Variants in DTNB observed in about 807,000 individuals in gnomAD.
DTNB encodes dystrobrevin beta.
A neutral mutation model predicts 90.7 loss-of-function variants in DTNB; 63 were observed. The observed-to-expected ratio is 0.69, with a 90% confidence interval of 0.57 to 0.86. The LOEUF is 0.86. DTNB is among the 40% of genes least tolerant of loss of function. The pLI, the probability that DTNB is intolerant of heterozygous loss-of-function variation, is 0.00. For synonymous variants in DTNB, 277 were observed against 286.7 expected, an observed-to-expected ratio of 0.97 and a Z score of 0.34; for missense variants, 744 against 807.1, an observed-to-expected ratio of 0.92 and a Z score of 0.95.
chr2:25,669,777 G>A (rs1298302949), intron 1 of DTNB, among the ~76,000 whole-genome samples: 1 of 152,060 alleles, frequency 6.6e-6, no homozygotes, highest in Non-Finnish European at 1.5e-5. Context: ...GCAACATGGC[G>A]AGACTGCATC....
chr2:25,500,457 T>C (rs893883883), intron 9 of DTNB, among the ~76,000 whole-genome samples: 1 of 152,162 alleles, frequency 6.6e-6, no homozygotes, highest in East Asian at 1.9e-4. Context: ...CCAACTACGC[T>C]GTTCAATCAT....
intron 8 of DTNB, among the ~76,000 whole-genome samples, chr2:25,574,278 G>A (rs938733559): frequency 6.6e-6 from 1 of 152,192 alleles, no homozygotes; most frequent in Admixed American, 6.5e-5. Flanking sequence ...ACCTCTTACA[G>A]GACCTGGCAC....
intron 8 of DTNB, among the ~76,000 whole-genome samples, chr2:25,569,111 G>A (rs1263257453): frequency 1.3e-5 from 2 of 152,190 alleles, no homozygotes; most frequent in Admixed American, 6.5e-5. Context: ...TCAGACACAG[G>A]AGGGAAGAAC....
chr2:25,436,230 G>A (rs1237311807), intron 12 of DTNB, among the ~76,000 whole-genome samples: 1 of 152,146 alleles, frequency 6.6e-6, no homozygotes, highest in Non-Finnish European at 1.5e-5. Context: ...AGCTACTTGG[G>A]AGGCTGAGGC....
chr2:25,496,164 A>G (rs1199055774), intron 9 of DTNB, among the ~76,000 whole-genome samples: 1 of 152,250 alleles, frequency 6.6e-6, no homozygotes. Context: ...ATTTAACAGT[A>G]TTGCTCAATT....
At chr2:25,379,555 G>A in intron 19 of DTNB, 1 of 422,064 alleles carries the variant, frequency 2.4e-6, no homozygotes, top group Non-Finnish European at 4.1e-6. Flanking sequence ...TCAGGAGAAG[G>A]AAAGTCATTA....
chr2:25,584,552 C>A (rs2062052900), intron 6 of DTNB, among the ~76,000 whole-genome samples: 1 of 150,980 alleles, frequency 6.6e-6, no homozygotes, highest in Non-Finnish European at 1.5e-5. Context: ...TCTTTTATTT[C>A]TCAATTTTAC....
rs60343159 is a variant in DTNB, at chr2:25,462,317, G to A, written c.1080-6823C>T. ...GGGACGGGACTGAAATGGGGGAAGT[G>A]GGGATGAAGAGTGAGCAATAGCGGG... On this transcript the variant is annotated intron_variant, in intron 10 of 20. Transcript: ENST00000406818. Among the ~76,000 whole-genome samples, 1,017 of 152,170 alleles carry A rather than the reference G, an allele frequency of 6.7e-3. 11 individuals are homozygous for A. The highest frequency in any genetic ancestry group is 0.023 in the African/African-American group (957 of 41,514).
rs2048840121 is a variant in DTNB at position 25,419,544 on chromosome 2, T to C, written c.1555-9A>G. The C allele has an allele frequency of 9.7e-6, 15 of 1,554,224 alleles. No homozygotes were observed. Among genetic ancestry groups the C allele is most frequent in the Non-Finnish European group, 1.2e-5 (14 of 1,148,740 alleles). ...TGCTTTTGCTCTTCCTCCTGGAGTG[T>C]TGAAGATGAAAAAAAAAGGCAGAGG... On this transcript the variant is annotated splice_polypyrimidine_tract_variant and intron_variant, in intron 15 of 20. Coordinates refer to ENST00000406818, the MANE Select transcript of DTNB (RefSeq NM_021907.5).
chr2:25,612,723 A>G (rs2068967524), intron 4 of DTNB, among the ~76,000 whole-genome samples: 1 of 152,142 alleles, frequency 6.6e-6, no homozygotes. Context: ...TACCAATATT[A>G]AGAGGGGATA....
intron 16 of DTNB, among the ~76,000 whole-genome samples, chr2:25,411,020 G>A (rs2046460192): frequency 6.6e-6 from 1 of 151,226 alleles, no homozygotes; most frequent in Admixed American, 6.6e-5. Flanking sequence ...CTCCTGGGGG[G>A]CCATCCTCAA....
chr2:25,599,249 G>C (rs2065294074), intron 5 of DTNB, among the ~76,000 whole-genome samples: 1 of 151,486 alleles, frequency 6.6e-6, no homozygotes. Context: ...TAAGTTTCTA[G>C]TTTGGGGAAA....
intron 16 of DTNB, among the ~76,000 whole-genome samples, chr2:25,411,861 G>A (rs1445587750): frequency 6.6e-6 from 1 of 152,132 alleles, no homozygotes; most frequent in African/African-American, 2.4e-5. Context: ...TAAATGAATG[G>A]CAATCCTTTG....
At chr2:25,380,359 T>TA (rs1276314420) in intron 19 of DTNB, among the ~76,000 whole-genome samples, 3 of 152,168 alleles carry the variant, frequency 2.0e-5, no homozygotes, top group Non-Finnish European at 4.4e-5. Context: ...GGTCCACCCA[T>TA]AAAAACACTT....
At chr2:25,396,285 C>T (rs530507318) in intron 16 of DTNB, among the ~76,000 whole-genome samples, 24 of 152,152 alleles carry the variant, frequency 1.6e-4, no homozygotes, top group African/African-American at 4.1e-4. Context: ...CCAAGATGGG[C>T]GGATCACTTG....
At chr2:25,624,060 A>G (rs1307133169) in intron 4 of DTNB, among the ~76,000 whole-genome samples, 1 of 152,144 alleles carries the variant, frequency 6.6e-6, no homozygotes, top group Non-Finnish European at 1.5e-5. Context: ...TTCTCTCTAG[A>G]GCCTACTATT....
chr2:25,547,525 G>A (rs931012489), intron 8 of DTNB, among the ~76,000 whole-genome samples: 4 of 152,040 alleles, frequency 2.6e-5, no homozygotes, highest in Admixed American at 6.5e-5. Flanking sequence ...GTTTCACCAC[G>A]TTGGGTCAAG....
chr2:25,524,401 CT>C (rs369653199), intron 9 of DTNB, among the ~76,000 whole-genome samples: 32,634 of 114,340 alleles, frequency 0.29, 3,880 homozygotes, highest in East Asian at 0.48. Flanking sequence ...TCTACCAGAG[CT>C]TTTTTTTTTT....
At chr2:25,580,574 G>A (rs1277882202) in intron 7 of DTNB, 147 bp downstream of exon 7, 3 of 776,128 alleles carry the variant, frequency 3.9e-6, no homozygotes. Context: ...AAATTCTTCT[G>A]AAAGCCAAAA....
Sources: allele counts gnomAD v4.1 joint callset (sites outside exome capture counted in the v4.1 genomes callset), GRCh38; gene constraint gnomAD v4.1.1; transcripts MANE v1.5; gene names NCBI Gene and HGNC (gene_info 2026-07-23, HGNC 2026-07-21).